Variants in DCAF1 observed in about 807,000 individuals in gnomAD.
DCAF1 encodes the protein DDB1- and CUL4-associated factor 1.
DCAF1 carries 15 observed loss-of-function variants against 128.0 expected under a neutral mutation model. That is an observed-to-expected ratio of 0.12 (90% CI 0.08 to 0.18). DCAF1 has a LOEUF of 0.18. DCAF1 is among the 10% of genes least tolerant of loss of function. DCAF1 has a pLI of 1.00. For missense variants in DCAF1, 988 were observed against 1,649.5 expected (o/e 0.60, Z 6.95); for synonymous variants, 610 against 603.0 (o/e 1.01, Z -0.17).
intron 23 of DCAF1, among the ~76,000 whole-genome samples, chr3:51,409,734 C>G (rs1553627803): frequency 2.0e-5 from 3 of 152,116 alleles, no homozygotes; most frequent in Non-Finnish European, 4.4e-5. Flanking sequence ...TTCATGATAG[C>G]TAATGTGAAA....
chr3:51,418,207 A>G lies in DCAF1; in HGVS notation c.3436-9T>C. On this transcript the variant is annotated splice_polypyrimidine_tract_variant and intron_variant, in intron 16 of 24. Transcript: ENST00000684031. ...AGCAGCAAGGACCCATCCTAAAAGA[A>G]AAAGGCGCAAGGTGGGTAACCACGT... 6.2e-7 allele frequency: 1 copy of G among 1,605,864 alleles called. No individual in the cohort carries two copies. The highest frequency in any genetic ancestry group is 1.3e-5 in the African/African-American group (1 of 74,924).
At chr3:51,396,942 A>G (rs2089242437), downstream of DCAF1, 1 of 167,008 alleles carries the variant, frequency 6.0e-6, no homozygotes, top group Non-Finnish European at 1.5e-5. Context: ...TGAAGCAAAG[A>G]GCTGAGTGAG....
intron 13 of DCAF1, among the ~76,000 whole-genome samples, chr3:51,424,113 T>C (rs1299661986): frequency 1.3e-5 from 2 of 151,914 alleles, no homozygotes; most frequent in Non-Finnish European, 2.9e-5. Flanking sequence ...TAGAGAAATG[T>C]TGGATGTCTT....
chr3:51,455,790 G>C lies in DCAF1; in HGVS notation c.375+7324C>G, dbSNP rs577591752. Among the ~76,000 whole-genome samples, 18 of 152,120 alleles carry C rather than the reference G, an allele frequency of 1.2e-4. No individual in the cohort carries two copies. The South Asian group carries it at 3.7e-3, about 32-fold the overall frequency. On this transcript the variant is annotated intron_variant, in intron 6 of 24. Coordinates refer to ENST00000684031, the MANE Select transcript of DCAF1 (RefSeq NM_001387579.1). Reference sequence around the variant, plus strand: ...CACGAGCCTGTAGTCCCAGCTACTTGGGAGGCTGAGGCAAAAGAATCACTG... The same window carrying C: ...CACGAGCCTGTAGTCCCAGCTACTTCGGAGGCTGAGGCAAAAGAATCACTG...
chr3:51,501,440 G>A (rs1553664264), upstream of DCAF1, among the ~76,000 whole-genome samples: 3 of 152,200 alleles, frequency 2.0e-5, no homozygotes. Context: ...CCTACCCAGC[G>A]TTCAAGGCCT....
chr3:51,414,456 G>A (rs1698701838), intron 19 of DCAF1, among the ~76,000 whole-genome samples, 168 bp downstream of exon 19: 1 of 152,172 alleles, frequency 6.6e-6, no homozygotes, highest in African/African-American at 2.4e-5. Flanking sequence ...TACTAACATT[G>A]GCAACAGTGC....
chr3:51,467,245 T>C (rs1167930850), intron 4 of DCAF1, among the ~76,000 whole-genome samples: 6 of 151,890 alleles, frequency 4.0e-5, no homozygotes, highest in African/African-American at 1.2e-4. Flanking sequence ...GGCAGGAGAA[T>C]TGCTTGAACC....
rs781918836 is a variant in DCAF1, at chr3:51,441,610, G to A, written c.801C>T (p.Asn267=). Residue 267 remains asparagine, a synonymous_variant, in exon 8 of 25, where the codon AAC becomes AAT. Coordinates refer to ENST00000684031, the MANE Select transcript of DCAF1 (RefSeq NM_001387579.1). ...CTCTGTCACCCTGTTTTGCTGACTT[G>A]TTTTTCTTTAATCCTCCATCCTCAG... The part of the protein sequence containing the change: ...TKPEDGGLKK[N]KSAKQGDREN... The A allele has an allele frequency of 6.2e-7, 1 of 1,613,950 alleles. No individual in the cohort carries two copies. The highest frequency in any genetic ancestry group is 1.3e-5 in the African/African-American group (1 of 75,030).
chr3:51,499,405 G>A (rs988023049), intron 1 of DCAF1, among the ~76,000 whole-genome samples: 15 of 152,174 alleles, frequency 9.9e-5, no homozygotes, highest in Middle Eastern at 3.2e-3. Context: ...GCCGAGAGAC[G>A]GGAGAGCCCG....
At chr3:51,415,399 G>T (rs1553630046) in intron 18 of DCAF1, among the ~76,000 whole-genome samples, 1 of 152,144 alleles carries the variant, frequency 6.6e-6, no homozygotes, top group Non-Finnish European at 1.5e-5. Flanking sequence ...GGAGGCTGAG[G>T]TAAGAGGATT....
At chr3:51,459,998 A>G (rs1195587019) in intron 6 of DCAF1, among the ~76,000 whole-genome samples, 1 of 152,210 alleles carries the variant, frequency 6.6e-6, no homozygotes, top group African/African-American at 2.4e-5. Context: ...AACGGGCACA[A>G]GACAGGGATG....
chr3:51,504,846 G>A (rs1208644173), upstream of DCAF1, among the ~76,000 whole-genome samples: 1 of 152,098 alleles, frequency 6.6e-6, no homozygotes, highest in Non-Finnish European at 1.5e-5. Context: ...TGGCACGGTG[G>A]CTCACACCTG....
At chr3:51,446,999 T>TAATAATAATAATAATAATAATAAA (rs370193180) in intron 6 of DCAF1, among the ~76,000 whole-genome samples, 3 of 148,148 alleles carry the variant, frequency 2.0e-5, no homozygotes, top group African/African-American at 7.4e-5. Flanking sequence ...ATAATAATAA[T>TAATAATAATAATAATAATAATAAA]AAAATGTTTT....
At chr3:51,474,802 T>TTTTG (rs1705231162) in intron 3 of DCAF1, among the ~76,000 whole-genome samples, 1 of 148,218 alleles carries the variant, frequency 6.7e-6, no homozygotes. Context: ...TTTTTTTTTT[T>TTTTG]GAGATGGAGT....
intron 6 of DCAF1, among the ~76,000 whole-genome samples, chr3:51,447,878 G>A (rs143176468): frequency 1.8e-4 from 28 of 152,108 alleles, no homozygotes; most frequent in African/African-American, 6.0e-4. Flanking sequence ...AACCTGGGAG[G>A]CAGAGTTGCA....
chr3:51,422,315 G>A lies in DCAF1; in HGVS notation c.1964C>T (p.Ser655Phe), dbSNP rs1553632742. The A allele has an allele frequency of 1.3e-6, 1 of 765,856 alleles. No homozygotes were observed. The highest frequency in any genetic ancestry group is 2.4e-6 in the Non-Finnish European group (1 of 410,934). The allele number at this position is 765,856 out of a possible 1,614,324, so 47.4% of individuals were successfully genotyped here. A position where few individuals can be genotyped will look rare whatever the true frequency, so the allele number is the denominator to read the frequency against. Residue 655 changes from serine to phenylalanine, a missense_variant, in exon 14 of 25, where the codon TCT becomes TTT. Physicochemically the swap from Ser to Phe is radical, Grantham distance 155 (BLOSUM62 -2). Around this residue, in one of 11 missense-constraint regions of DCAF1, gnomAD observed 185 missense variants for 248.1 expected, o/e 0.75. Transcript: ENST00000684031. ...GGCAAAGTACAACCTACCTACAGTA[G>A]AGACTGTAGATCCAGCCTCATCCAA... ...DVLDEAGSTV[S>F]TVGISIILGV...
At chr3:51,501,597 G>C (rs1315132090), upstream of DCAF1, among the ~76,000 whole-genome samples, 1 of 152,036 alleles carries the variant, frequency 6.6e-6, no homozygotes, top group African/African-American at 2.4e-5. Flanking sequence ...CCTGAATCCT[G>C]GGTCCCTTGG....
intron 3 of DCAF1, 52 bp from the exon 4 acceptor site, chr3:51,471,057 C>T: frequency 8.2e-7 from 1 of 1,224,070 alleles, no homozygotes; most frequent in Non-Finnish European, 1.2e-6. Context: ...AAAAAATGGA[C>T]CACCACTACA....
At chr3:51,415,408 T>C (rs1319580347) in intron 18 of DCAF1, among the ~76,000 whole-genome samples, 1 of 152,090 alleles carries the variant, frequency 6.6e-6, no homozygotes, top group African/African-American at 2.4e-5. Flanking sequence ...GGTAAGAGGA[T>C]TGCTTGAGTC....
Sources: allele counts gnomAD v4.1 joint callset (sites outside exome capture counted in the v4.1 genomes callset), GRCh38; gene constraint gnomAD v4.1.1; regional missense constraint gnomAD v4.1.1; transcripts MANE v1.5; gene names NCBI Gene and HGNC (gene_info 2026-07-23, HGNC 2026-07-21).